Variants in XYLB observed in about 807,000 individuals in gnomAD.
The protein encoded by XYLB is xylulose kinase.
Under a neutral mutation model 78.7 loss-of-function variants are expected in XYLB, and 62 were observed. The observed-to-expected ratio is 0.79, with a 90% CI of 0.64 to 0.97. The LOEUF is 0.97. Among genes scored for constraint, XYLB ranks in the 50% least tolerant of loss-of-function variants. The probability of loss-of-function intolerance (pLI) is 0.00; values close to 1 mark genes in which losing one functional copy is unlikely to be tolerated. For synonymous variants in XYLB, 245 were observed against 247.4 expected, an observed-to-expected ratio of 0.99 and a Z score of 0.09; for missense variants, 687 against 676.8, an observed-to-expected ratio of 1.02 and a Z score of -0.17.
rs896410459 is a variant in XYLB, at chr3:38,374,614, G to A, written c.888+112G>A. The A allele has an allele frequency of 7.3e-6, 10 of 1,370,342 alleles. No homozygotes were observed. In the African/African-American group the frequency reaches 8.8e-5, roughly 12 times the overall value. The allele number at this position is 1,370,342 out of a possible 1,614,324, so 84.9% of individuals were successfully genotyped here. On this transcript the variant is annotated intron_variant, in intron 11 of 18. Transcript: ENST00000207870. ...CCAGATCCCAGGGTCCCAGGGTCTG[G>A]GTCCCAGCAGGATCTCTGCTACTTA...
At chr3:38,426,751 G>A in the XYLB span, among the ~76,000 whole-genome samples, 1 of 152,188 alleles carries the variant, frequency 6.6e-6, no homozygotes, top group African/African-American at 2.4e-5. Flanking sequence ...AAACAGAAAG[G>A]TGGGACACGT....
At chr3:38,354,001 A>G (rs1402199698) in intron 2 of XYLB, among the ~76,000 whole-genome samples, 1 of 150,838 alleles carries the variant, frequency 6.6e-6, no homozygotes, top group South Asian at 2.1e-4. Context: ...TTTTTGTTCC[A>G]TGGTTTGGTA....
intron 2 of XYLB, among the ~76,000 whole-genome samples, chr3:38,352,092 C>A (rs1175248971): frequency 6.6e-6 from 1 of 152,152 alleles, no homozygotes; most frequent in Non-Finnish European, 1.5e-5. Context: ...TTAAGGAATT[C>A]TCTTCCAAAG....
chr3:38,391,531 A>G (rs1017945770), intron 15 of XYLB, among the ~76,000 whole-genome samples: 1 of 152,214 alleles, frequency 6.6e-6, no homozygotes, highest in East Asian at 1.9e-4. Flanking sequence ...ATGTGCATAG[A>G]TAGCTATTAG....
rs115775406 is a variant in XYLB at position 38,370,369 on chromosome 3, C to T, written c.765+195C>T. 2,273 of 547,932 alleles carry T rather than the reference C, an allele frequency of 4.1e-3. 30 individuals carry two copies. Among genetic ancestry groups the T allele is most frequent in the African/African-American group, 0.034 (1,808 of 53,146 alleles). The allele number at this position is 547,932 out of a possible 1,614,324, so 33.9% of individuals were successfully genotyped here. On this transcript the variant is annotated intron_variant, in intron 9 of 18. Transcript: ENST00000207870. ...TCAGTGTCTGGATCAGTGCCTTGCA[C>T]ACAGTAGGTGCTCAGGTACATGCCT...
intron 9 of XYLB, chr3:38,370,407 G>A (rs1476630523): frequency 5.1e-6 from 2 of 391,512 alleles, no homozygotes; most frequent in African/African-American, 4.1e-5. Flanking sequence ...TGGTCAGCGG[G>A]ACTTTGGAAA....
intron 2 of XYLB, among the ~76,000 whole-genome samples, chr3:38,358,968 AG>A (rs1705825289): frequency 6.6e-6 from 1 of 152,208 alleles, no homozygotes; most frequent in South Asian, 2.1e-4. Flanking sequence ...CTGCTTACCG[AG>A]ACAAGCTCGG....
chr3:38,418,534 C>T (rs766588483), downstream of XYLB, among the ~76,000 whole-genome samples: 28 of 152,016 alleles, frequency 1.8e-4, no homozygotes, highest in Admixed American at 4.6e-4. Context: ...TTGATAACAG[C>T]GAAGTACTTG....
At chr3:38,360,439 TC>T in intron 3 of XYLB, 31 bp downstream of exon 3, 1 of 1,534,038 alleles carries the variant, frequency 6.5e-7, no homozygotes, top group Non-Finnish European at 8.8e-7. Flanking sequence ...TCTCCTTCTA[TC>T]CCCAGGCTGT....
intron 17 of XYLB, among the ~76,000 whole-genome samples, chr3:38,398,639 A>T (rs1428199300): frequency 2.7e-5 from 4 of 146,016 alleles, no homozygotes; most frequent in Non-Finnish European, 4.5e-5. Flanking sequence ...CTTACCTATG[A>T]GTCTGCCTGC....
In XYLB at chr3:38,397,011, C is replaced by T; in HGVS notation, c.1351-61C>T. 4 of 1,548,806 alleles carry T rather than the reference C, an allele frequency of 2.6e-6. No homozygotes were observed. In the East Asian group the frequency reaches 6.7e-5, roughly 26 times the overall value. On this transcript the variant is annotated intron_variant, in intron 16 of 18. Coordinates refer to ENST00000207870, the MANE Select transcript of XYLB (RefSeq NM_005108.4). ...GAGAGAGCCTGGAAAGTGCATCCCACAATGTCTGTGTTCCCTCTGAGGAAT... is the reference window on the plus strand; with the variant it reads ...GAGAGAGCCTGGAAAGTGCATCCCATAATGTCTGTGTTCCCTCTGAGGAAT...
chr3:38,419,050 A>AT, downstream of XYLB, among the ~76,000 whole-genome samples: 1 of 151,792 alleles, frequency 6.6e-6, no homozygotes, highest in Middle Eastern at 3.4e-3. Flanking sequence ...AATAACTCCT[A>AT]TTTTTCTCTC....
chr3:38,412,957 C>T lies in XYLB; in HGVS notation c.1555C>T (p.Gln519Ter). The change falls in exon 19 of 19, where the codon CAG becomes TAG. Residue 519 changes from glutamine to a stop codon, truncating the protein, a stop_gained. Coordinates refer to ENST00000207870, the MANE Select transcript of XYLB (RefSeq NM_005108.4). LOFTEE classifies it high-confidence loss of function. ...ASQVYEALLPQYAKLEQRILS... is the reference protein window; with the variant it reads ...ASQVYEALLP ...CTAGGTCTACGAGGCCCTTCTCCCC[C>T]AGTATGCCAAACTCGAGCAGAGAAT... is the stretch of plus-strand genomic sequence containing the variant. 1 of 1,605,620 alleles carries T rather than the reference C, an allele frequency of 6.2e-7. No individual in the cohort carries two copies. The highest frequency in any genetic ancestry group is 8.5e-7 in the Non-Finnish European group (1 of 1,176,462).
intron 9 of XYLB, 83 bp downstream of exon 9, chr3:38,370,257 C>CACACACACAT: frequency 1.1e-6 from 1 of 885,494 alleles, no homozygotes; most frequent in Non-Finnish European, 1.9e-6. Context: ...CACACACACA[C>CACACACACAT]ACACACACAC....
chr3:38,396,880 C>T (rs992872001), intron 16 of XYLB, among the ~76,000 whole-genome samples, 192 bp from the exon 17 acceptor site: 8 of 152,286 alleles, frequency 5.3e-5, no homozygotes, highest in Middle Eastern at 3.4e-3. Context: ...CCACTACGGA[C>T]TTCCCCCAGC....
chr3:38,379,244 A>T lies in XYLB; in HGVS notation c.1195-2A>T. 6.2e-7 allele frequency: 1 copy of T among 1,614,120 alleles called. No homozygotes were observed. Among genetic ancestry groups the T allele is most frequent in the Non-Finnish European group, 8.5e-7 (1 of 1,180,004 alleles). On this transcript the variant is annotated splice_acceptor_variant, in intron 14 of 18. Coordinates refer to ENST00000207870, the MANE Select transcript of XYLB (RefSeq NM_005108.4). LOFTEE classifies it high-confidence loss of function. ...TCTGTGCCCACCTTTTCCTGGAGAC[A>T]GGTTGCAGCATTCCCTGGGGATGTG...
At chr3:38,433,631 A>T in the XYLB span, among the ~76,000 whole-genome samples, 1 of 152,222 alleles carries the variant, frequency 6.6e-6, no homozygotes, top group Non-Finnish European at 1.5e-5. Flanking sequence ...CTCTTTGCTA[A>T]AGCATAGCAA....
intron 15 of XYLB, among the ~76,000 whole-genome samples, chr3:38,383,506 C>T (rs1707244295): frequency 6.6e-6 from 1 of 152,098 alleles, no homozygotes; most frequent in Admixed American, 6.6e-5. Context: ...AGAAAATGGG[C>T]CTGGTGCTCA....
chr3:38,349,739 G>C (rs926009703), intron 2 of XYLB, among the ~76,000 whole-genome samples: 18 of 152,150 alleles, frequency 1.2e-4, no homozygotes, highest in African/African-American at 4.1e-4. Context: ...TGGCCGTTAG[G>C]AGTCTAAAAT....
Sources: allele counts gnomAD v4.1 joint callset (sites outside exome capture counted in the v4.1 genomes callset), GRCh38; gene constraint gnomAD v4.1.1; transcripts MANE v1.5; gene names NCBI Gene and HGNC (gene_info 2026-07-23, HGNC 2026-07-21).